DSCAM: variants seen among roughly 807,000 people sequenced by gnomAD.
DSCAM encodes the protein DS cell adhesion molecule.
A neutral mutation model predicts 217.7 loss-of-function variants in DSCAM; 47 were observed. The observed-to-expected ratio is 0.22, with a 90% CI of 0.17 to 0.28. DSCAM has a LOEUF of 0.28. Among genes scored for constraint, DSCAM ranks in the 10% least tolerant of loss-of-function variants. The pLI is 1.00. For synonymous variants in DSCAM, 1,056 were observed against 1,015.3 expected (o/e 1.04, Z -0.76); for missense variants, 2,080 against 2,618.3 (o/e 0.79, Z 4.49).
chr21:40,842,163 GC>G (rs1405199402), intron 1 of DSCAM, among the ~76,000 whole-genome samples: 6 of 152,148 alleles, frequency 3.9e-5, no homozygotes, highest in East Asian at 1.9e-4. Flanking sequence ...GACACAATCG[GC>G]CTGCAGGTAG....
intron 1 of DSCAM, among the ~76,000 whole-genome samples, chr21:40,822,391 T>C (rs753869323): frequency 4.0e-5 from 6 of 150,506 alleles, no homozygotes; most frequent in Non-Finnish European, 7.4e-5. Flanking sequence ...TCTAACTAAA[T>C]TGGATTATTC....
intron 3 of DSCAM, among the ~76,000 whole-genome samples, chr21:40,390,444 C>T (rs2075123832): frequency 6.6e-6 from 1 of 152,194 alleles, no homozygotes; most frequent in Admixed American, 6.5e-5. Context: ...ATTGCTGATG[C>T]ACCCTATTCC....
At chr21:40,540,956 T>C (rs150544591) in intron 3 of DSCAM, among the ~76,000 whole-genome samples, 1 of 152,206 alleles carries the variant, frequency 6.6e-6, no homozygotes, top group East Asian at 1.9e-4. Context: ...TCAAAGTTAA[T>C]GAGCTCAAGT....
At chr21:40,518,365 A>ATAT (rs1482981807) in intron 3 of DSCAM, among the ~76,000 whole-genome samples, 3 of 12,360 alleles carry the variant, frequency 2.4e-4, no homozygotes, top group Non-Finnish European at 4.2e-4. Flanking sequence ...GCCCATATAT[A>ATAT]TATATAATAT....
chr21:40,129,071 T>A (rs73362132), intron 19 of DSCAM, among the ~76,000 whole-genome samples: 17,325 of 152,048 alleles, frequency 0.11, 1,303 homozygotes, highest in East Asian at 0.29. Context: ...GTCAGCTTCA[T>A]TTTTTTTCAC....
intron 11 of DSCAM, among the ~76,000 whole-genome samples, chr21:40,273,329 G>T (rs936389832): frequency 6.6e-6 from 1 of 152,112 alleles, no homozygotes; most frequent in Non-Finnish European, 1.5e-5. Context: ...TCATGAAGAG[G>T]TGCATTTAAC....
intron 1 of DSCAM, among the ~76,000 whole-genome samples, chr21:40,838,196 T>C (rs1601330869): frequency 1.3e-5 from 2 of 152,350 alleles, no homozygotes; most frequent in Admixed American, 1.3e-4. Flanking sequence ...TCTCTTATGA[T>C]ACAATCACAG....
intron 21 of DSCAM, among the ~76,000 whole-genome samples, chr21:40,091,358 C>A (rs530535664): frequency 2.6e-5 from 4 of 152,042 alleles, no homozygotes; most frequent in Non-Finnish European, 4.4e-5. Flanking sequence ...TCCTTCCCAG[C>A]GTCTCTGGGA....
rs1192827724 is a variant in DSCAM, at chr21:40,085,644, T to C, written c.4090A>G (p.Asn1364Asp). 6.3e-7 allele frequency: 1 copy of C among 1,583,892 alleles called. No homozygotes were observed. Among genetic ancestry groups the C allele is most frequent in the Non-Finnish European group, 8.6e-7 (1 of 1,156,656 alleles). Residue 1364 changes from asparagine to aspartate, a missense_variant, in exon 23 of 33, where the codon AAC becomes GAC. Around this residue, in one of 5 missense-constraint regions of DSCAM, gnomAD observed 1,144 missense variants for 1,421.1 expected, o/e 0.81. Coordinates refer to ENST00000400454, the MANE Select transcript of DSCAM (RefSeq NM_001389.5). ...AAAATAATTTCATCAGATCCCCAGTTGTTATTGGCAATGCAGCTGTAATAG... is the reference window on the plus strand; with the variant it reads ...AAAATAATTTCATCAGATCCCCAGTCGTTATTGGCAATGCAGCTGTAATAG... Reference protein sequence around the residue: ...SGYYSCIANNNWGSDEIILNL... With the variant: ...SGYYSCIANNDWGSDEIILNL...
chr21:40,578,223 G>T (rs2076870572), intron 3 of DSCAM, among the ~76,000 whole-genome samples: 1 of 152,120 alleles, frequency 6.6e-6, no homozygotes, highest in East Asian at 1.9e-4. Context: ...ATAGCCCAGA[G>T]ACACTCTTAC....
At chr21:40,657,218 G>A (rs916671508) in intron 3 of DSCAM, among the ~76,000 whole-genome samples, 3 of 152,128 alleles carry the variant, frequency 2.0e-5, no homozygotes, top group Admixed American at 6.5e-5. Context: ...ACATGACCTT[G>A]TGTGTGTTGA....
chr21:40,140,274 A>T (rs907329257), intron 18 of DSCAM, among the ~76,000 whole-genome samples: 1 of 152,174 alleles, frequency 6.6e-6, no homozygotes, highest in Admixed American at 6.5e-5. Context: ...CATTTATCTC[A>T]TCACTTTGAT....
rs1361847010 is a variant in DSCAM, at chr21:40,126,686, T to C, written c.3563-2358A>G. Among the ~76,000 whole-genome samples the C allele has an allele frequency of 2.0e-5, 3 of 152,204 alleles. No individual in the cohort carries two copies. The East Asian group carries it at 5.8e-4, about 29-fold the overall frequency. ...GGTACTTCCTGGCCACTGCAAAGTTTGGTGATTCCTTGTTTTAAGTGATGA... is the reference window on the plus strand; with the variant it reads ...GGTACTTCCTGGCCACTGCAAAGTTCGGTGATTCCTTGTTTTAAGTGATGA... On this transcript the variant is annotated intron_variant, in intron 19 of 32. Coordinates refer to ENST00000400454, the MANE Select transcript of DSCAM (RefSeq NM_001389.5).
chr21:40,579,335 A>G (rs1011834417), intron 3 of DSCAM, among the ~76,000 whole-genome samples: 4 of 152,188 alleles, frequency 2.6e-5, no homozygotes, highest in African/African-American at 9.6e-5. Flanking sequence ...AGTGAGGAAA[A>G]AAAGCTGATT....
At chr21:40,620,474 A>AAAGGG (rs751617601) in intron 3 of DSCAM, among the ~76,000 whole-genome samples, 84 of 147,004 alleles carry the variant, frequency 5.7e-4, no homozygotes, top group Non-Finnish European at 1.1e-3. Context: ...AAGGAAGGAA[A>AAAGGG]AAGGGAAGGG....
chr21:40,708,919 TG>T lies in DSCAM; in HGVS notation c.44-149del, dbSNP rs1444182270. Reference sequence around the variant, plus strand: ...CCAAATAATTCAAATTTTCTGAAAATGCTGTGAGCAGACAGGCTGATACTAA... The same window carrying T: ...CCAAATAATTCAAATTTTCTGAAAATCTGTGAGCAGACAGGCTGATACTAA... On this transcript the variant is annotated intron_variant, in intron 1 of 32. Transcript: ENST00000400454. 5.4e-6 allele frequency: 3 copies of T among 558,992 alleles called. No homozygotes were observed. In the African/African-American group the frequency reaches 5.8e-5, roughly 11 times the overall value. 34.6% of individuals were successfully genotyped at this position (558,992 alleles called of 1,614,324 possible). A position where few individuals can be genotyped will look rare whatever the true frequency, so the allele number is the denominator to read the frequency against.
chr21:40,760,411 A>G (rs1027936859), intron 1 of DSCAM, among the ~76,000 whole-genome samples: 2 of 152,298 alleles, frequency 1.3e-5, no homozygotes. Flanking sequence ...ACTGAGGCTG[A>G]GAGGGTGACG....
chr21:40,292,863 G>A (rs541574634), intron 10 of DSCAM, among the ~76,000 whole-genome samples: 7 of 152,072 alleles, frequency 4.6e-5, no homozygotes, highest in African/African-American at 1.7e-4. Context: ...AGCCTCCTGA[G>A]TAGCTGGGAC....
intron 3 of DSCAM, among the ~76,000 whole-genome samples, chr21:40,647,671 A>G (rs2089963940): frequency 6.6e-6 from 1 of 152,234 alleles, no homozygotes; most frequent in African/African-American, 2.4e-5. Flanking sequence ...TATTTGAGAA[A>G]TTATGTCCAT....
Sources: allele counts gnomAD v4.1 joint callset (sites outside exome capture counted in the v4.1 genomes callset), GRCh38; gene constraint gnomAD v4.1.1; regional missense constraint gnomAD v4.1.1; transcripts MANE v1.5; gene names NCBI Gene and HGNC (gene_info 2026-07-23, HGNC 2026-07-21).